The following DGKB variants were observed in gnomAD, a reference collection of about 807,000 sequenced individuals.
DGKB encodes 90 kDa diacylglycerol kinase.
In DGKB, 67 loss-of-function variants were observed where a neutral mutation model predicts 114.3. That is an observed-to-expected ratio of 0.59 (90% CI 0.48 to 0.72). The LOEUF is 0.72. Ranked by LOEUF, DGKB falls within the 30% of genes least tolerant of loss-of-function variation. The pLI is 0.00. For synonymous variants in DGKB, 398 were observed against 323.1 expected, an observed-to-expected ratio of 1.23 and a Z score of -2.49; for missense variants, 907 against 975.2, an observed-to-expected ratio of 0.93 and a Z score of 0.93.
chr7:14,374,120 A>G (rs1818114877), intron 21 of DGKB, among the ~76,000 whole-genome samples: 2 of 151,976 alleles, frequency 1.3e-5, no homozygotes, highest in Admixed American at 1.3e-4. Flanking sequence ...CAGGGTCCAC[A>G]ACACTTCCCG....
At chr7:14,399,310 A>G (rs1016384923) in intron 21 of DGKB, among the ~76,000 whole-genome samples, 2 of 151,858 alleles carry the variant, frequency 1.3e-5, no homozygotes, top group African/African-American at 4.8e-5. Context: ...AACTTTTTGT[A>G]TATGGAGCTA....
chr7:14,247,124 A>T (rs189697449), intron 23 of DGKB, among the ~76,000 whole-genome samples: 1 of 152,256 alleles, frequency 6.6e-6, no homozygotes, highest in Admixed American at 6.5e-5. Flanking sequence ...AACTTAGCAC[A>T]ATGTCCTCTA....
chr7:14,582,953 G>T, intron 18 of DGKB, 99 bp downstream of exon 18: 1 of 822,480 alleles, frequency 1.2e-6, no homozygotes, highest in Non-Finnish European at 2.1e-6. Context: ...TTATATCACT[G>T]CTTCCAAAGA....
chr7:14,245,895 G>T (rs895918842), intron 23 of DGKB, among the ~76,000 whole-genome samples: 1 of 152,060 alleles, frequency 6.6e-6, no homozygotes, highest in East Asian at 1.9e-4. Context: ...GCCACTACAC[G>T]CCAGCCTGGG....
chr7:14,505,455 A>G (rs957976975), intron 20 of DGKB, among the ~76,000 whole-genome samples: 6 of 124,400 alleles, frequency 4.8e-5, no homozygotes, highest in African/African-American at 1.3e-4. Flanking sequence ...CTCCGTCTCG[A>G]AAAAAAAAAA....
At chr7:14,561,460 T>C (rs908978550) in intron 20 of DGKB, among the ~76,000 whole-genome samples, 4 of 152,090 alleles carry the variant, frequency 2.6e-5, no homozygotes, top group African/African-American at 9.7e-5. Flanking sequence ...GACGTGACTT[T>C]GGAATAGAGT....
At chr7:14,259,375 A>AAGTT (rs775697204) in intron 23 of DGKB, among the ~76,000 whole-genome samples, 24 of 141,290 alleles carry the variant, frequency 1.7e-4, no homozygotes, top group Non-Finnish European at 2.4e-4. Flanking sequence ...TCATCTAGTA[A>AAGTT]AGTTTCTCTC....
chr7:14,314,403 A>G (rs1400787583), intron 23 of DGKB, among the ~76,000 whole-genome samples: 2 of 150,564 alleles, frequency 1.3e-5, no homozygotes, highest in African/African-American at 4.9e-5. Flanking sequence ...AGAAGAATGT[A>G]TAACTAGAAT....
intron 20 of DGKB, among the ~76,000 whole-genome samples, chr7:14,533,628 T>C (rs763791484): frequency 9.2e-5 from 14 of 151,924 alleles, no homozygotes; most frequent in Non-Finnish European, 1.9e-4. Flanking sequence ...ATGAGAAACA[T>C]TATAATTAAA....
rs544930292 is a variant in DGKB at position 14,643,895 on chromosome 7, C to T, written c.1135-13627G>A. 2.4e-3 allele frequency among the ~76,000 whole-genome samples: 358 copies of T among 152,234 alleles called. 1 individual carries two copies. Among genetic ancestry groups the T allele is most frequent in the African/African-American group, 7.7e-3 (321 of 41,530 alleles). ...TTCAAGCCCAAAAAACTGACCTCTC[C>T]AATAGTGGGGCTGCTGCGCACCTTT... is the stretch of plus-strand genomic sequence containing the variant. On this transcript the variant is annotated intron_variant, in intron 13 of 25. Transcript: ENST00000402815.
intron 19 of DGKB, among the ~76,000 whole-genome samples, chr7:14,579,560 A>T (rs1799631293): frequency 6.6e-6 from 1 of 152,216 alleles, no homozygotes; most frequent in African/African-American, 2.4e-5. Flanking sequence ...AAATACAAGT[A>T]TCTTATCAGA....
At chr7:14,689,271 T>A (rs1253068480) in intron 9 of DGKB, among the ~76,000 whole-genome samples, 2 of 137,978 alleles carry the variant, frequency 1.4e-5, no homozygotes, top group African/African-American at 2.6e-5. Flanking sequence ...AGTGGCGCGA[T>A]CTCGGCTCAC....
Position 14,200,801 on chromosome 7 carries a change from A to G in DGKB, c.2123-22650T>C, listed in dbSNP as rs6956117. ...TCAAAAAGGGAGAGTGTTTAACTCT[A>G]TGGAGGATGGTTGGTGGTGGGGAGA... is the stretch of plus-strand genomic sequence containing the variant. On this transcript the variant is annotated intron_variant, in intron 23 of 25. Coordinates refer to ENST00000402815, the MANE Select transcript of DGKB (RefSeq NM_001350709.2). 3.5e-3 allele frequency among the ~76,000 whole-genome samples: 539 copies of G among 152,106 alleles called. 4 individuals are homozygous for G. Among genetic ancestry groups the G allele is most frequent in the African/African-American group, 0.012 (516 of 41,544 alleles).
intron 13 of DGKB, among the ~76,000 whole-genome samples, chr7:14,635,236 T>G (rs1037800346): frequency 3.7e-5 from 4 of 107,654 alleles, no homozygotes; most frequent in Non-Finnish European, 7.9e-5. Context: ...TATTCCATTC[T>G]TACTTAGTAA....
chr7:14,789,095 T>C (rs1031238275), intron 2 of DGKB, among the ~76,000 whole-genome samples: 1 of 151,416 alleles, frequency 6.6e-6, no homozygotes, highest in African/African-American at 2.4e-5. Context: ...TTTAATTAAA[T>C]GTTGAAATTT....
At chr7:14,294,877 T>G (rs1393337322) in intron 23 of DGKB, among the ~76,000 whole-genome samples, 1 of 152,182 alleles carries the variant, frequency 6.6e-6, no homozygotes, top group Non-Finnish European at 1.5e-5. Flanking sequence ...ACATAGGATT[T>G]AGCCTGGGTT....
At chr7:14,429,270 T>A (rs1583872308) in intron 21 of DGKB, among the ~76,000 whole-genome samples, 1 of 152,208 alleles carries the variant, frequency 6.6e-6, no homozygotes, top group East Asian at 1.9e-4. Context: ...GCCCTCATGA[T>A]GGGATTAGTG....
At chr7:14,343,198 C>CACACAA (rs1320061315) in intron 22 of DGKB, among the ~76,000 whole-genome samples, 17 of 149,066 alleles carry the variant, frequency 1.1e-4, no homozygotes, top group Non-Finnish European at 2.1e-4. Flanking sequence ...CACACACACA[C>CACACAA]AACAAGATAT....
intron 3 of DGKB, among the ~76,000 whole-genome samples, chr7:14,756,893 A>G (rs1042239601): frequency 3.9e-5 from 6 of 152,108 alleles, no homozygotes; most frequent in African/African-American, 9.6e-5. Flanking sequence ...ATGAACTAAC[A>G]GTAATGATGA....
Sources: allele counts gnomAD v4.1 joint callset (sites outside exome capture counted in the v4.1 genomes callset), GRCh38; gene constraint gnomAD v4.1.1; transcripts MANE v1.5; gene names NCBI Gene and HGNC (gene_info 2026-07-23, HGNC 2026-07-21).